ADGRB3: variants seen among roughly 807,000 people sequenced by gnomAD.
The protein encoded by ADGRB3 is adhesion G protein-coupled receptor B3.
In ADGRB3, 37 loss-of-function variants were observed where a neutral mutation model predicts 193.4. The observed-to-expected ratio is 0.19, with a 90% CI of 0.15 to 0.25. The LOEUF (loss-of-function observed/expected upper bound fraction) is 0.25. ADGRB3 is among the 10% of genes least tolerant of loss of function. ADGRB3 has a pLI of 1.00. For synonymous variants in ADGRB3, 690 were observed against 644.2 expected, an observed-to-expected ratio of 1.07 and a Z score of -1.08; for missense variants, 1,637 against 1,852.9, an observed-to-expected ratio of 0.88 and a Z score of 2.14.
intron 17 of ADGRB3, among the ~76,000 whole-genome samples, chr6:69,132,509 T>G (rs1292508771): frequency 6.6e-6 from 1 of 152,186 alleles, no homozygotes; most frequent in Non-Finnish European, 1.5e-5. Context: ...AATTTCCTTG[T>G]GGCTTCTGGA....
chr6:69,106,164 T>TAAAAAAAAAAAAAAAA (rs61114782), intron 17 of ADGRB3, among the ~76,000 whole-genome samples: 322 of 90,754 alleles, frequency 3.5e-3, no homozygotes, highest in Non-Finnish European at 4.7e-3. Context: ...GAGACTGCGT[T>TAAAAAAAAAAAAAAAA]AAAAAAAAAA....
chr6:69,323,782 A>G lies in ADGRB3; in HGVS notation c.2815-1090A>G, dbSNP rs563010917. ...TGGCGAACTAAGTCAACATCTGGTG[A>G]AATTTAATAAAATTAACAAATCCTA... On this transcript the variant is annotated intron_variant, in intron 20 of 31. Transcript: ENST00000370598. Among the ~76,000 whole-genome samples, 38 of 152,232 alleles carry G rather than the reference A, an allele frequency of 2.5e-4. No individual in the cohort carries two copies. The South Asian group carries it at 3.5e-3, about 14-fold the overall frequency.
chr6:69,181,784 A>C (rs1452729852), intron 17 of ADGRB3, among the ~76,000 whole-genome samples: 1 of 152,210 alleles, frequency 6.6e-6, no homozygotes, highest in African/African-American at 2.4e-5. Context: ...TTGAAAGTTC[A>C]TAGTACTATA....
At chr6:69,034,718 TAGAA>T (rs1398339723) in intron 13 of ADGRB3, among the ~76,000 whole-genome samples, 1 of 151,126 alleles carries the variant, frequency 6.6e-6, no homozygotes, top group African/African-American at 2.4e-5. Context: ...TACATTAACT[TAGAA>T]AGGGATAGTT....
intron 3 of ADGRB3, among the ~76,000 whole-genome samples, chr6:68,888,844 G>T (rs1042232403): frequency 2.0e-5 from 3 of 152,162 alleles, no homozygotes; most frequent in Non-Finnish European, 4.4e-5. Flanking sequence ...GTGGTCCTGA[G>T]ACAGGAATGT....
chr6:69,132,669 C>G (rs944586374), intron 17 of ADGRB3, among the ~76,000 whole-genome samples: 6 of 152,076 alleles, frequency 3.9e-5, no homozygotes, highest in African/African-American at 7.2e-5. Flanking sequence ...GTTGCCATTG[C>G]TTTTGGAGTT....
At chr6:69,242,705 T>C (rs993121728) in intron 20 of ADGRB3, among the ~76,000 whole-genome samples, 5 of 151,972 alleles carry the variant, frequency 3.3e-5, no homozygotes, top group Non-Finnish European at 7.4e-5. Context: ...ACCAAGTGCA[T>C]TTTATTATAT....
chr6:68,663,897 A>G (rs534521686), intron 3 of ADGRB3, among the ~76,000 whole-genome samples: 12 of 151,968 alleles, frequency 7.9e-5, no homozygotes, highest in African/African-American at 2.9e-4. Context: ...TACATTATCT[A>G]TAAATTACAA....
chr6:68,956,804 G>T lies in ADGRB3; in HGVS notation c.1520G>T (p.Cys507Phe). The T allele has an allele frequency of 6.2e-7, 1 of 1,612,702 alleles. No individual in the cohort carries two copies. Among genetic ancestry groups the T allele is most frequent in the Non-Finnish European group, 8.5e-7 (1 of 1,179,172 alleles). The change falls in exon 8 of 32, where the codon TGC (cysteine) becomes TTC (phenylalanine). Residue 507 changes from cysteine to phenylalanine, a missense_variant. Cys to Phe is a radical substitution (Grantham distance 205). Transcript: ENST00000370598. The stretch of plus-strand genomic sequence containing the variant: ...GTGAGAAGATGCAATGAGCAGCGAT[G>T]CCCTGGTGAGAATGAACCCAAATTA... The part of the protein sequence containing the change: ...EEVRRCNEQR[C>F]PAPYEICPED...
intron 3 of ADGRB3, among the ~76,000 whole-genome samples, chr6:68,783,709 C>G (rs1033737390): frequency 6.6e-6 from 1 of 151,884 alleles, no homozygotes; most frequent in Non-Finnish European, 1.5e-5. Flanking sequence ...AATTCACACT[C>G]AAGAAAATGG....
intron 13 of ADGRB3, among the ~76,000 whole-genome samples, chr6:69,024,435 T>C (rs971654131): frequency 2.6e-5 from 4 of 152,192 alleles, no homozygotes; most frequent in African/African-American, 4.8e-5. Context: ...TTCAATGGAT[T>C]ACACCCATAA....
At chr6:68,755,478 G>C (rs1327092013) in intron 3 of ADGRB3, among the ~76,000 whole-genome samples, 1 of 152,128 alleles carries the variant, frequency 6.6e-6, no homozygotes, top group Non-Finnish European at 1.5e-5. Context: ...TCAATTTGAT[G>C]GTTCTTCTGG....
intron 20 of ADGRB3, among the ~76,000 whole-genome samples, chr6:69,264,484 C>T (rs1430205685): frequency 6.6e-6 from 1 of 151,588 alleles, no homozygotes; most frequent in Admixed American, 6.6e-5. Flanking sequence ...ACCTTCTTTC[C>T]CACTAGACAG....
At chr6:68,665,573 A>G (rs1290516344) in intron 3 of ADGRB3, among the ~76,000 whole-genome samples, 2 of 151,836 alleles carry the variant, frequency 1.3e-5, no homozygotes, top group Admixed American at 6.6e-5. Flanking sequence ...GCTGACCAAC[A>G]TATGCAAAGT....
At chr6:69,302,483 A>G (rs1767967203) in intron 20 of ADGRB3, among the ~76,000 whole-genome samples, 1 of 151,928 alleles carries the variant, frequency 6.6e-6, no homozygotes, top group Non-Finnish European at 1.5e-5. Context: ...TTGAACAATG[A>G]ACAATACCCC....
intron 3 of ADGRB3, among the ~76,000 whole-genome samples, chr6:68,897,746 GAAGGGAGGGAGGAA>G (rs1251178769): frequency 2.5e-4 from 2 of 8,084 alleles, no homozygotes; most frequent in Admixed American, 1.2e-3. Context: ...GAAGAGGAAG[GAAGGGAGGGAGGAA>G]AAGGGAGGGA....
At chr6:68,903,830 C>T (rs900499156) in intron 3 of ADGRB3, among the ~76,000 whole-genome samples, 1 of 151,414 alleles carries the variant, frequency 6.6e-6, no homozygotes, top group Non-Finnish European at 1.5e-5. Flanking sequence ...AACATAGTGA[C>T]ACCCTGTCTA....
chr6:69,234,843 G>A (rs9354829), intron 18 of ADGRB3, among the ~76,000 whole-genome samples, 189 bp from the exon 19 acceptor site: 1 of 152,180 alleles, frequency 6.6e-6, no homozygotes, highest in East Asian at 1.9e-4. Flanking sequence ...TGGGAGAGAG[G>A]GGGAAGCTGC....
chr6:69,298,619 A>T (rs958608368), intron 20 of ADGRB3, among the ~76,000 whole-genome samples: 3 of 151,904 alleles, frequency 2.0e-5, no homozygotes, highest in African/African-American at 7.3e-5. Context: ...CTCACATTTG[A>T]GTGAGAACAT....
Sources: allele counts gnomAD v4.1 joint callset (sites outside exome capture counted in the v4.1 genomes callset), GRCh38; gene constraint gnomAD v4.1.1; transcripts MANE v1.5; gene names NCBI Gene and HGNC (gene_info 2026-07-23, HGNC 2026-07-21).